The following PDS5B variants were observed in gnomAD, a reference collection of about 807,000 sequenced individuals.
PDS5B encodes the protein sister chromatid cohesion protein PDS5 homolog B.
PDS5B carries 51 observed loss-of-function variants against 184.1 expected under a neutral mutation model. That is an observed-to-expected ratio of 0.28 (90% CI 0.22 to 0.35). The LOEUF is 0.35. Ranked by LOEUF, PDS5B falls within the 10% of genes least tolerant of loss-of-function variation. PDS5B has a pLI of 1.00. For missense variants in PDS5B, 1,180 were observed against 1,723.3 expected (o/e 0.68, Z 5.58); for synonymous variants, 566 against 569.2 (o/e 0.99, Z 0.08).
intron 19 of PDS5B, among the ~76,000 whole-genome samples, chr13:32,730,260 G>A (rs1425101913): frequency 2.0e-5 from 3 of 152,082 alleles, no homozygotes; most frequent in East Asian, 3.9e-4. Flanking sequence ...GGTTGTAGAT[G>A]TGTAATGTTA....
chr13:32,746,143 A>G (rs765106585), intron 24 of PDS5B, 43 bp downstream of exon 24: 4 of 1,560,644 alleles, frequency 2.6e-6, no homozygotes, highest in Non-Finnish European at 3.5e-6. Context: ...AAGGTCTTTG[A>G]CTTTTAGGAA....
chr13:32,729,083 C>G (rs1467991344), intron 19 of PDS5B, among the ~76,000 whole-genome samples: 1 of 152,102 alleles, frequency 6.6e-6, no homozygotes, highest in Non-Finnish European at 1.5e-5. Context: ...TGTCCTAATG[C>G]TCTCCCTCCC....
chr13:32,768,404 G>T (rs896038236), intron 31 of PDS5B, among the ~76,000 whole-genome samples: 3 of 151,988 alleles, frequency 2.0e-5, no homozygotes, highest in African/African-American at 7.3e-5. Context: ...CCTCCCAAAG[G>T]CCCCATCTCC....
intron 6 of PDS5B, among the ~76,000 whole-genome samples, 193 bp from the exon 7 acceptor site, chr13:32,667,571 T>G (rs1327930545): frequency 1.3e-5 from 2 of 152,150 alleles, no homozygotes; most frequent in Non-Finnish European, 2.9e-5. Flanking sequence ...ATAATTATCC[T>G]TACGTGGATG....
At chr13:32,742,551 A>T in intron 22 of PDS5B, 40 bp from the exon 23 acceptor site, 2 of 1,533,560 alleles carry the variant, frequency 1.3e-6, no homozygotes, top group Non-Finnish European at 8.8e-7. Flanking sequence ...TTCTTTCAAA[A>T]TGTACCAGTG....
At chr13:32,623,804 A>G (rs750524418) in intron 1 of PDS5B, among the ~76,000 whole-genome samples, 2 of 150,176 alleles carry the variant, frequency 1.3e-5, no homozygotes, top group Admixed American at 6.6e-5. Context: ...TTTATAATCT[A>G]TTCCTTTTTT....
intron 3 of PDS5B, among the ~76,000 whole-genome samples, chr13:32,655,593 G>T (rs1950494221): frequency 6.6e-6 from 1 of 151,272 alleles, no homozygotes; most frequent in African/African-American, 2.4e-5. Flanking sequence ...GGCTGGTCTT[G>T]AACTCCTGAC....
chr13:32,692,433 TTTTTTTTTTG>T (rs1951582554), intron 13 of PDS5B, among the ~76,000 whole-genome samples: 1 of 138,104 alleles, frequency 7.2e-6, no homozygotes, highest in Non-Finnish European at 1.6e-5. Flanking sequence ...TTTTTTTTTT[TTTTTTTTTTG>T]AGATAGAGTC....
chr13:32,692,339 C>T (rs764731482), intron 13 of PDS5B, among the ~76,000 whole-genome samples: 16 of 148,732 alleles, frequency 1.1e-4, no homozygotes, highest in Non-Finnish European at 2.4e-4. Flanking sequence ...CTCCTATTAG[C>T]GACAGTAGTA....
chr13:32,623,271 C>T (rs1360349284), intron 1 of PDS5B, among the ~76,000 whole-genome samples: 1 of 152,112 alleles, frequency 6.6e-6, no homozygotes, highest in Non-Finnish European at 1.5e-5. Flanking sequence ...GGAGAAGTTA[C>T]ACATCTTGTG....
At chr13:32,670,726 A>G (rs1268338603) in intron 7 of PDS5B, among the ~76,000 whole-genome samples, 1 of 152,206 alleles carries the variant, frequency 6.6e-6, no homozygotes, top group African/African-American at 2.4e-5. Flanking sequence ...AAATTTTAGG[A>G]TATGGCAAAA....
At chr13:32,593,779 A>C (rs1219167086) in intron 1 of PDS5B, among the ~76,000 whole-genome samples, 3 of 152,146 alleles carry the variant, frequency 2.0e-5, no homozygotes, top group Non-Finnish European at 4.4e-5. Context: ...TTCCTGTTGA[A>C]TAGGTTGAGG....
rs930374554 is a variant in PDS5B, at chr13:32,770,731, C to G, written c.4142C>G (p.Thr1381Arg). ...PQKGRGRPSK[T>R]PSPSQPKKNV... is the part of the protein sequence containing the mutation. ...AAAGGACGAGGAAGACCATCAAAAA[C>G]GCCATCACCATCACAACCAAAAAAA... Residue 1381 changes from threonine to arginine, a missense_variant, in exon 33 of 35, where the codon ACG (threonine) becomes AGG (arginine). Physicochemically the swap from Thr to Arg is moderately conservative, Grantham distance 71 (BLOSUM62 -1). Around this residue, in one of 11 missense-constraint regions of PDS5B, gnomAD observed 465 missense variants for 497.8 expected, o/e 0.93. Coordinates refer to ENST00000315596, the MANE Select transcript of PDS5B (RefSeq NM_015032.4). 5 of 1,609,072 alleles carry G rather than the reference C, an allele frequency of 3.1e-6. No individual in the cohort carries two copies. The highest frequency in any genetic ancestry group is 4.2e-6 in the Non-Finnish European group (5 of 1,177,536).
intron 1 of PDS5B, among the ~76,000 whole-genome samples, chr13:32,587,032 C>CCCGG (rs1328289555): frequency 2.8e-5 from 4 of 145,424 alleles, no homozygotes; most frequent in South Asian, 2.1e-4. Context: ...CCCCCCGCGC[C>CCCGG]CCGGCCGGCC....
chr13:32,696,813 T>G (rs765115094), intron 14 of PDS5B, 41 bp from the exon 15 acceptor site: 3 of 1,456,398 alleles, frequency 2.1e-6, no homozygotes, highest in Admixed American at 1.8e-5. Flanking sequence ...AGTTTTCTTG[T>G]TAGGGAATTT....
At chr13:32,662,429 C>CAAATTAGTT (rs1950675123) in intron 6 of PDS5B, among the ~76,000 whole-genome samples, 1 of 151,670 alleles carries the variant, frequency 6.6e-6, no homozygotes, top group Non-Finnish European at 1.5e-5. Context: ...AACAAAACTA[C>CAAATTAGTT]TAATTTAATA....
At chr13:32,738,584 T>C (rs1279191724) in intron 21 of PDS5B, among the ~76,000 whole-genome samples, 1 of 152,220 alleles carries the variant, frequency 6.6e-6, no homozygotes, top group African/African-American at 2.4e-5. Flanking sequence ...GTACATGTTA[T>C]AGTATCATCA....
At chr13:32,715,175 A>G (rs983617193) in intron 19 of PDS5B, among the ~76,000 whole-genome samples, 2 of 152,220 alleles carry the variant, frequency 1.3e-5, no homozygotes, top group Non-Finnish European at 2.9e-5. Context: ...AACCACACAC[A>G]ATTTCTGAAG....
rs17077809 is a variant in PDS5B at position 32,765,535 on chromosome 13, A to G, written c.3624+941A>G. Among the ~76,000 whole-genome samples the G allele has an allele frequency of 6.5e-3, 997 of 152,334 alleles. 11 individuals are homozygous for G. The highest frequency in any genetic ancestry group is 0.023 in the African/African-American group (942 of 41,578). On this transcript the variant is annotated intron_variant, in intron 31 of 34. Coordinates refer to ENST00000315596, the MANE Select transcript of PDS5B (RefSeq NM_015032.4). Reference sequence around the variant, plus strand: ...TACACATGCCAAGAAGTTTATTTTCATGTTTCTCCAATAACTTATTTTGGC... The same window carrying G: ...TACACATGCCAAGAAGTTTATTTTCGTGTTTCTCCAATAACTTATTTTGGC...
Sources: allele counts gnomAD v4.1 joint callset (sites outside exome capture counted in the v4.1 genomes callset), GRCh38; gene constraint gnomAD v4.1.1; regional missense constraint gnomAD v4.1.1; transcripts MANE v1.5; gene names NCBI Gene and HGNC (gene_info 2026-07-23, HGNC 2026-07-21).